The following MTHFD1 variants were observed in gnomAD, a reference collection of about 807,000 sequenced individuals.
MTHFD1 encodes methylenetetrahydrofolate dehydrogenase, cyclohydrolase and formyltetrahydrofolate synthetase 1, also known as C-1-tetrahydrofolate synthase, cytoplasmic.
MTHFD1 carries 44 observed loss-of-function variants against 110.3 expected under a neutral mutation model. That is an observed-to-expected ratio of 0.40 (90% CI 0.31 to 0.51). MTHFD1 has a LOEUF of 0.51. Among genes scored for constraint, MTHFD1 ranks in the 20% least tolerant of loss-of-function variants. MTHFD1 has a pLI of 0.60. For synonymous variants in MTHFD1, 402 were observed against 428.8 expected (o/e 0.94, Z 0.77); for missense variants, 909 against 1,173.1 (o/e 0.77, Z 3.29).
intron 13 of MTHFD1, among the ~76,000 whole-genome samples, chr14:64,431,076 CTT>C (rs369540665): frequency 2.3e-4 from 31 of 135,278 alleles, no homozygotes; most frequent in Admixed American, 4.5e-4. Flanking sequence ...TTTTCTTTTT[CTT>C]TTTTTTTTTT....
chr14:64,397,788 T>C (rs927920999), intron 1 of MTHFD1, among the ~76,000 whole-genome samples: 10 of 152,348 alleles, frequency 6.6e-5, no homozygotes, highest in African/African-American at 2.4e-4. Flanking sequence ...ACCATATAGC[T>C]TCTGTTGAAA....
At chr14:64,419,517 G>A (rs1259751646) in intron 7 of MTHFD1, among the ~76,000 whole-genome samples, 4 of 152,160 alleles carry the variant, frequency 2.6e-5, no homozygotes, top group South Asian at 4.1e-4. Context: ...GACATAACAC[G>A]CAGGGCCCCA....
chr14:64,440,298 A>AT (rs1566570902), intron 18 of MTHFD1, 32 bp downstream of exon 18: 2 of 1,614,098 alleles, frequency 1.2e-6, no homozygotes, highest in Non-Finnish European at 1.7e-6. Context: ...GCTTGGCGAC[A>AT]TATCTGTGTC....
chr14:64,441,951 G>T, intron 19 of MTHFD1, 103 bp from the exon 20 acceptor site: 1 of 787,172 alleles, frequency 1.3e-6, no homozygotes. Flanking sequence ...CCTCTGGGAA[G>T]TATTCTTCCT....
At position 64,449,517 on chromosome 14, in the gene MTHFD1, G is replaced by A; in HGVS notation, c.2352G>A (p.Lys784=). 6.2e-7 allele frequency: 1 copy of A among 1,614,204 alleles called. No individual in the cohort carries two copies. Among genetic ancestry groups the A allele is most frequent in the Non-Finnish European group, 8.5e-7 (1 of 1,180,046 alleles). Residue 784 remains lysine (K), a synonymous_variant, in exon 24 of 28, where the codon AAG becomes AAA. Transcript: ENST00000652337. ...SREHGAFDAV[K]CTHWAEGGKG... ...AACATGGGGCTTTTGATGCCGTGAA[G>A]TGCACTCACTGGGCAGAAGGGGGCA...
rs781603073 is a variant in MTHFD1, at chr14:64,416,292, A to C, written c.478+553A>C. On this transcript the variant is annotated intron_variant, in intron 6 of 27. Transcript: ENST00000652337. The stretch of plus-strand genomic sequence containing the variant: ...AAACAAACAAAACCAGCTCAGAGAG[A>C]GCAAGTAACTTGTCTGGGAGACAAC... Among the ~76,000 whole-genome samples, 4 of 152,280 alleles carry C rather than the reference A, an allele frequency of 2.6e-5. No individual in the cohort carries two copies. In the East Asian group the frequency reaches 7.7e-4, roughly 29 times the overall value.
chr14:64,388,488 G>T lies in MTHFD1; in HGVS notation c.41+20G>T. The T allele has an allele frequency of 3.1e-6, 5 of 1,610,540 alleles. No individual in the cohort carries two copies. Among genetic ancestry groups the T allele is most frequent in the Non-Finnish European group, 3.4e-6 (4 of 1,177,522 alleles). On this transcript the variant is annotated intron_variant, in intron 1 of 27. Transcript: ENST00000652337. The stretch of plus-strand genomic sequence containing the variant: ...CTCCGCGTAAGCACCTGACATTGTT[G>T]TTGAGTGTGGGGCTGTGGACGAGGG...
intron 1 of MTHFD1, 56 bp from the exon 2 acceptor site, chr14:64,400,737 C>T (rs2077889141): frequency 9.4e-7 from 1 of 1,067,546 alleles, no homozygotes; most frequent in Non-Finnish European, 1.5e-6. Flanking sequence ...TAATCTGCAT[C>T]ACTTATTTGT....
At chr14:64,441,808 A>G (rs2078251780) in intron 19 of MTHFD1, 1 of 585,826 alleles carries the variant, frequency 1.7e-6, no homozygotes, top group Admixed American at 3.0e-5. Flanking sequence ...GTGTCAAAAA[A>G]AAAAAAAAAA....
intron 26 of MTHFD1, 68 bp downstream of exon 26, chr14:64,454,943 C>T (rs955770497): frequency 1.9e-6 from 3 of 1,540,344 alleles, no homozygotes; most frequent in African/African-American, 2.7e-5. Context: ...TTGCCGAAAC[C>T]ATCAAGCAAA....
At chr14:64,456,929 T>G (rs181937025) in intron 26 of MTHFD1, among the ~76,000 whole-genome samples, 140 of 152,326 alleles carry the variant, frequency 9.2e-4, no homozygotes, top group Middle Eastern at 6.8e-3. Flanking sequence ...TTGGAACTTG[T>G]GTGTATTCAT....
At position 64,440,279 on chromosome 14, in the gene MTHFD1, A is replaced by C. The variant is rs748041921; in HGVS notation, c.1815+13A>C. On this transcript the variant is annotated intron_variant, in intron 18 of 27. Coordinates refer to ENST00000652337, the MANE Select transcript of MTHFD1 (RefSeq NM_005956.4). ...TGCCGAAGATCTGGTGGGTACCCAG[A>C]CACGCCAGGCTTGGCGACATATCTG... The C allele has an allele frequency of 6.2e-7, 1 of 1,614,230 alleles. No homozygotes were observed.
intron 21 of MTHFD1, among the ~76,000 whole-genome samples, chr14:64,443,709 T>TC (rs982126057): frequency 7.9e-5 from 12 of 152,098 alleles, no homozygotes; most frequent in African/African-American, 2.7e-4. Flanking sequence ...CCCTTTTTTT[T>TC]CCCAGTCACA....
intron 19 of MTHFD1, chr14:64,441,815 A>G: frequency 3.3e-6 from 2 of 599,128 alleles, no homozygotes; most frequent in East Asian, 5.7e-5. Flanking sequence ...AAAAAAAAAA[A>G]AAAAATTAAG....
In MTHFD1 at chr14:64,441,447, A is replaced by G; in HGVS notation, c.1878A>G (p.Thr626=). 1.2e-6 allele frequency: 2 copies of G among 1,614,026 alleles called. No individual in the cohort carries two copies. Among genetic ancestry groups the G allele is most frequent in the South Asian group, 2.2e-5 (2 of 91,088 alleles). Residue 626 remains threonine, a synonymous_variant, in exon 19 of 28, where the codon ACA becomes ACG. Coordinates refer to ENST00000652337, the MANE Select transcript of MTHFD1 (RefSeq NM_005956.4). ...KDAIKPNLMQ[T]LEGTPVFVHA... ...CAATCAAGCCCAATCTCATGCAGAC[A>G]CTGGAGGTGAGCAGAGTGACTCCTG... is the stretch of plus-strand genomic sequence containing the variant.
intron 9 of MTHFD1, among the ~76,000 whole-genome samples, chr14:64,425,210 CTTT>C (rs60509639): frequency 3.1e-5 from 4 of 128,748 alleles, no homozygotes; most frequent in South Asian, 5.0e-4. Context: ...CCTTCCCTTT[CTTT>C]TTTTTTTTTT....
rs1301799610 is a variant in MTHFD1 at position 64,397,186 on chromosome 14, TATATAAAA to T, written c.42-3605_42-3598del. ...ATATATATATATATATATATATATA[TATATAAAA>T]AACAGTAATCTATTGGGGCAGGGGA... On this transcript the variant is annotated intron_variant, in intron 1 of 27. Transcript: ENST00000652337. Among the ~76,000 whole-genome samples the T allele has an allele frequency of 4.0e-3, 40 of 10,070 alleles. 1 individual carries two copies. Among genetic ancestry groups the T allele is most frequent in the Non-Finnish European group, 5.0e-3 (30 of 6,016 alleles). 6.6% of individuals were successfully genotyped at this position (10,070 alleles called of 152,430 possible).
At position 64,400,923 on chromosome 14, in the gene MTHFD1, C is replaced by A. The variant is rs780087308; in HGVS notation, c.126+46C>A. The A allele has an allele frequency of 2.9e-6, 4 of 1,386,654 alleles. 1 individual carries two copies. In the South Asian group the frequency reaches 4.8e-5, roughly 17 times the overall value. 85.9% of individuals were successfully genotyped at this position (1,386,654 alleles called of 1,614,324 possible). ...CATTAATGTTGTCTTTGCTTGATTT[C>A]TCAGTATCATTTCAGACCTCTCCCT... On this transcript the variant is annotated intron_variant, in intron 2 of 27. Transcript: ENST00000652337.
intron 1 of MTHFD1, among the ~76,000 whole-genome samples, chr14:64,397,138 AATATATATATAT>A (rs1182197415): frequency 0.014 from 166 of 11,922 alleles, 2 homozygotes; most frequent in Non-Finnish European, 0.016. Flanking sequence ...AAAAAAAAAA[AATATATATATAT>A]ATATATATAT....
Sources: gnomAD v4.1 joint callset for allele counts (sites outside exome capture counted in the v4.1 genomes callset) on GRCh38, gnomAD v4.1.1 for gene constraint, MANE v1.5 for transcripts, NCBI Gene and HGNC (gene_info 2026-07-23, HGNC 2026-07-21) for gene names.